The following MXRA5 variants were observed in gnomAD, a reference collection of about 807,000 sequenced individuals.
MXRA5 encodes the protein matrix remodeling associated 5.
A neutral mutation model predicts 112.5 loss-of-function variants in MXRA5; 41 were observed. The ratio of observed to expected loss-of-function variants is 0.36; its 90% CI spans 0.28 to 0.47. The LOEUF is 0.47. Among genes scored for constraint, MXRA5 ranks in the 20% least tolerant of loss-of-function variants. MXRA5 has a pLI of 0.99. For synonymous variants in MXRA5, 862 were observed against 900.8 expected (o/e 0.96, Z 0.77); for missense variants, 2,150 against 2,251.0 (o/e 0.96, Z 0.91).
intron 6 of MXRA5, among the ~76,000 whole-genome samples, chrX:3,316,497 T>TTAATAA (rs757741576): frequency 1.3e-4 from 11 of 85,095 alleles, no homozygotes; most frequent in Middle Eastern, 6.1e-3. Context: ...CTACAAAAAG[T>TTAATAA]TAATAATAAT....
chrX:3,334,050 T>C (rs2107484), intron 2 of MXRA5, among the ~76,000 whole-genome samples: 21,864 of 110,907 alleles, frequency 0.2, 3,014 homozygotes, highest in African/African-American at 0.48. Flanking sequence ...GGCACAATCT[T>C]GGCTCACTGC....
chrX:3,338,422 C>G (rs1421204736), intron 2 of MXRA5, among the ~76,000 whole-genome samples: 1 of 110,050 alleles, frequency 9.1e-6, no homozygotes, highest in African/African-American at 3.3e-5. Flanking sequence ...GACAGCCAGA[C>G]AGATGATAGA....
At chrX:3,329,300 GGAAGGAAGGAAGGAAAAAA>G (rs1921594451) in intron 4 of MXRA5, among the ~76,000 whole-genome samples, 11 of 94,821 alleles carry the variant, frequency 1.2e-4, no homozygotes, top group Non-Finnish European at 1.7e-4. Context: ...GAAAAAAGAA[GGAAGGAAGGAAGGAAAAAA>G]GAAGGAAGGA....
intron 6 of MXRA5, among the ~76,000 whole-genome samples, chrX:3,314,419 A>C (rs1338878363): frequency 9.0e-6 from 1 of 110,958 alleles, no homozygotes; most frequent in African/African-American, 3.3e-5. Context: ...GTCTCCTGGG[A>C]GTAAAATCTC....
Position 3,341,607 on chromosome X carries a change from A to ATATATATAATATATATTATTAT in MXRA5, c.188+2038_188+2039insATAATAATATATATTATATATA, listed in dbSNP as rs1921984975. ...ATAATATATATTATTATTATATATA[A>ATATATATAATATATATTATTAT]TATATATAATATATAATATAGTATA... is the stretch of plus-strand genomic sequence containing the variant. On this transcript the variant is annotated intron_variant, in intron 2 of 6. Coordinates refer to ENST00000217939, the MANE Select transcript of MXRA5 (RefSeq NM_015419.4). Among the ~76,000 whole-genome samples, 6 of 22,324 alleles carry ATATATATAATATATATTATTAT rather than the reference A, an allele frequency of 2.7e-4. 2 individuals carry two copies. Among genetic ancestry groups the ATATATATAATATATATTATTAT allele is most frequent in the Admixed American group, 7.9e-4 (1 of 1,266 alleles). 19.4% of individuals were successfully genotyped at this position (22,324 alleles called of 115,157 possible).
chrX:3,341,209 A>G (rs1248975365), intron 2 of MXRA5, among the ~76,000 whole-genome samples: 5 of 35,632 alleles, frequency 1.4e-4, no homozygotes, highest in Non-Finnish European at 2.1e-4. Context: ...TATATAATAT[A>G]TAATAATATA....
chrX:3,329,991 G>A (rs1162461633), intron 4 of MXRA5, 27 bp downstream of exon 4: 1 of 1,189,132 alleles, frequency 8.4e-7, no homozygotes, highest in Non-Finnish European at 1.1e-6. Context: ...GTGCAGCTAG[G>A]AGTGGTCTGC....
chrX:3,330,073 C>G lies in MXRA5; in HGVS notation c.654G>C (p.Pro218=). ...ATCTCATCTCACAATCGCAGGTCCA[C>G]GGATTTCCCTGCAAGTAAAGATTCT... The part of the protein sequence containing the change: ...LLENLYLQGN[P]WTCDCEMRWF... The change falls in exon 4 of 7, where the codon CCG becomes CCC. Residue 218 remains proline (P), a synonymous_variant. Transcript: ENST00000217939. 1.7e-6 allele frequency: 2 copies of G among 1,211,081 alleles called. No homozygotes were observed. The highest frequency in any genetic ancestry group is 4.4e-5 in the Admixed American group (2 of 45,939).
At chrX:3,340,785 A>G (rs536194556) in intron 2 of MXRA5, among the ~76,000 whole-genome samples, 2 of 105,926 alleles carry the variant, frequency 1.9e-5, no homozygotes, top group South Asian at 8.3e-4. Context: ...GATGCAAACA[A>G]CTTCAGAAGT....
intron 2 of MXRA5, among the ~76,000 whole-genome samples, chrX:3,336,873 T>G (rs752965045): frequency 5.4e-5 from 6 of 111,651 alleles, no homozygotes; most frequent in Non-Finnish European, 9.4e-5. Context: ...CTGCTACAGA[T>G]TCTACATGCA....
intron 1 of MXRA5, among the ~76,000 whole-genome samples, chrX:3,345,248 G>T (rs1922079492): frequency 8.8e-6 from 1 of 113,146 alleles, no homozygotes; most frequent in African/African-American, 3.2e-5. Context: ...GCCCGGGGGC[G>T]CGTCTCCCTT....
intron 2 of MXRA5, among the ~76,000 whole-genome samples, chrX:3,333,710 T>G (rs765377398): frequency 1.8e-5 from 2 of 111,745 alleles, no homozygotes; most frequent in East Asian, 5.6e-4. Context: ...GGAATCATGG[T>G]GCAAAACTCC....
rs137855629 is a variant in MXRA5, at chrX:3,309,893, C to T, written c.8310G>A (p.Pro2770=). Residue 2770 remains proline, a synonymous_variant, in exon 7 of 7, where the codon CCG becomes CCA. Coordinates refer to ENST00000217939, the MANE Select transcript of MXRA5 (RefSeq NM_015419.4). ...IPKADITWEL[P]DKSHLKAGVQ... ...CCCCTGCCTTCAGATGCGACTTATC[C>T]GGTAACTCCCACGTGATGTCAGCTT... The T allele has an allele frequency of 5.8e-3, 7,072 of 1,209,432 alleles. 261 individuals are homozygous for T. The African/African-American group carries it at 0.11, about 18-fold the overall frequency.
At chrX:3,343,061 C>G (rs1812033) in intron 2 of MXRA5, among the ~76,000 whole-genome samples, 5,482 of 112,168 alleles carry the variant, frequency 0.049, 338 homozygotes, top group African/African-American at 0.17. Flanking sequence ...ACTAACACTT[C>G]GGTCCACACA....
chrX:3,319,631 G>C (rs1328646760), intron 5 of MXRA5, among the ~76,000 whole-genome samples: 1 of 110,343 alleles, frequency 9.1e-6, no homozygotes, highest in East Asian at 2.9e-4. Context: ...GGTACATATG[G>C]ACATAAAGAT....
chrX:3,341,211 A>C (rs868732792), intron 2 of MXRA5, among the ~76,000 whole-genome samples: 1 of 50,918 alleles, frequency 2.0e-5, no homozygotes, highest in South Asian at 1.3e-3. Flanking sequence ...TATAATATAT[A>C]ATAATATATA....
chrX:3,330,595 G>A, intron 3 of MXRA5, 49 bp downstream of exon 3: 1 of 1,184,724 alleles, frequency 8.4e-7, no homozygotes, highest in Non-Finnish European at 1.1e-6. Flanking sequence ...CTTTATTACT[G>A]GTCTTAGAGG....
chrX:3,317,431 C>A lies in MXRA5; in HGVS notation c.6250G>T (p.Gly2084Trp). 1 of 1,199,864 alleles carries A rather than the reference C, an allele frequency of 8.3e-7. No individual in the cohort carries two copies. ...APLPSVRWVLGDGTQIRPSQF... is the reference protein window; with the variant it reads ...APLPSVRWVLWDGTQIRPSQF... The stretch of plus-strand genomic sequence containing the variant: ...GAGGGGCGGATCTGGGTACCGTCCC[C>A]GAGCACCCAGCGCACGCTGGGCAGG... The change falls in exon 6 of 7, where the codon GGG (glycine) becomes TGG (tryptophan). Residue 2084 changes from glycine to tryptophan, a missense_variant. Around this residue, in one of 6 missense-constraint regions of MXRA5, gnomAD observed 1,485 missense variants for 1,471.6 expected, o/e 1.01. Coordinates refer to ENST00000217939, the MANE Select transcript of MXRA5 (RefSeq NM_015419.4).
At chrX:3,330,854 C>T in intron 2 of MXRA5, 81 bp from the exon 3 acceptor site, 9 of 707,154 alleles carry the variant, frequency 1.3e-5, no homozygotes, top group Non-Finnish European at 1.6e-5. Context: ...ATATGGGAAA[C>T]ATTCCCTAGC....
Sources: allele counts gnomAD v4.1 joint callset (sites outside exome capture counted in the v4.1 genomes callset), GRCh38; gene constraint gnomAD v4.1.1; regional missense constraint gnomAD v4.1.1; transcripts MANE v1.5; gene names NCBI Gene and HGNC (gene_info 2026-07-23, HGNC 2026-07-21).